Variants in SCARB1 observed in about 807,000 individuals in gnomAD.
SCARB1 encodes the protein scavenger receptor class B member 1.
SCARB1 carries 30 observed loss-of-function variants against 57.2 expected under a neutral mutation model. That is an observed-to-expected ratio of 0.52 (90% CI 0.39 to 0.71). The LOEUF is 0.71. Ranked by LOEUF, SCARB1 falls within the 30% of genes least tolerant of loss-of-function variation. The probability of loss-of-function intolerance (pLI) is 0.00; values close to 1 mark genes in which losing one functional copy is unlikely to be tolerated. For synonymous variants in SCARB1, 249 were observed against 268.3 expected (o/e 0.93, Z 0.70); for missense variants, 543 against 671.2 (o/e 0.81, Z 2.11).
intron 12 of SCARB1, among the ~76,000 whole-genome samples, chr12:124,780,312 G>T (rs1196880989): frequency 6.6e-6 from 1 of 152,196 alleles, no homozygotes; most frequent in Non-Finnish European, 1.5e-5. Context: ...CAAGCCCCCT[G>T]CCCTACAGCA....
intron 1 of SCARB1, among the ~76,000 whole-genome samples, chr12:124,837,164 T>C (rs571219123): frequency 5.3e-5 from 8 of 152,288 alleles, no homozygotes; most frequent in Admixed American, 5.2e-4. Context: ...CTACTTGCTT[T>C]TTTGGACAAA....
intron 6 of SCARB1, among the ~76,000 whole-genome samples, chr12:124,809,405 C>T (rs962658553): frequency 2.0e-5 from 3 of 152,086 alleles, no homozygotes; most frequent in African/African-American, 4.8e-5. Context: ...GGCAACATAG[C>T]GAGATCCCCA....
At chr12:124,834,022 G>C (rs942007793) in intron 1 of SCARB1, among the ~76,000 whole-genome samples, 1 of 152,226 alleles carries the variant, frequency 6.6e-6, no homozygotes, top group Non-Finnish European at 1.5e-5. Context: ...CTGCCTCCTC[G>C]TGACTCCCGA....
chr12:124,840,785 A>AC (rs112058668), intron 1 of SCARB1, among the ~76,000 whole-genome samples: 6,308 of 151,768 alleles, frequency 0.042, 533 homozygotes, highest in East Asian at 0.24. Context: ...AACTACCCCC[A>AC]CCTGGCTCAA....
At chr12:124,862,067 G>A (rs1376621377) in intron 1 of SCARB1, among the ~76,000 whole-genome samples, 1 of 152,240 alleles carries the variant, frequency 6.6e-6, no homozygotes, top group Non-Finnish European at 1.5e-5. Flanking sequence ...CTGCCTGAGT[G>A]ATAGCCCCTC....
chr12:124,853,030 G>T (rs1023662461), intron 1 of SCARB1, among the ~76,000 whole-genome samples: 4 of 152,146 alleles, frequency 2.6e-5, no homozygotes, highest in Non-Finnish European at 5.9e-5. Context: ...CACACAGATG[G>T]CACAGACAGT....
chr12:124,846,017 A>G (rs1032751679), intron 1 of SCARB1, among the ~76,000 whole-genome samples: 29 of 152,156 alleles, frequency 1.9e-4, no homozygotes, highest in South Asian at 4.1e-4. Flanking sequence ...GTCTCAAAAA[A>G]AAAGAAAGAA....
chr12:124,846,163 G>A (rs940683557), intron 1 of SCARB1, among the ~76,000 whole-genome samples: 2 of 152,152 alleles, frequency 1.3e-5, no homozygotes, highest in African/African-American at 2.4e-5. Context: ...TTTGAAACTA[G>A]GTAGAAGTGG....
Position 124,778,581 on chromosome 12 carries a change from A to C in SCARB1, c.*6T>G. 7.1e-7 allele frequency: 1 copy of C among 1,411,346 alleles called. No individual in the cohort carries two copies. Among genetic ancestry groups the C allele is most frequent in the Non-Finnish European group, 9.2e-7 (1 of 1,085,988 alleles). 87.4% of individuals were successfully genotyped at this position (1,411,346 alleles called of 1,614,324 possible). A position where few individuals can be genotyped will look rare whatever the true frequency, so the allele number is the denominator to read the frequency against. ...GGCCTGGCTGGCTCACGGTGTCCTC[A>C]GGACCCTGTGGAGAAAGGCAAAGCT... On this transcript the variant is annotated 3_prime_UTR_variant, in exon 13 of 13. Coordinates refer to ENST00000261693, the MANE Select transcript of SCARB1 (RefSeq NM_005505.5).
intron 1 of SCARB1, among the ~76,000 whole-genome samples, chr12:124,847,517 TC>T (rs1259614255): frequency 6.6e-6 from 1 of 152,188 alleles, no homozygotes; most frequent in Non-Finnish European, 1.5e-5. Flanking sequence ...GCCTCCCGTT[TC>T]CACCCGACCA....
intron 9 of SCARB1, among the ~76,000 whole-genome samples, chr12:124,793,356 T>C (rs1019143884): frequency 2.0e-5 from 3 of 152,186 alleles, no homozygotes; most frequent in South Asian, 2.1e-4. Context: ...TAGCAAGTGC[T>C]GGTGCGCGTG....
At chr12:124,826,485 CAG>C (rs1382648488) in intron 1 of SCARB1, among the ~76,000 whole-genome samples, 1 of 152,080 alleles carries the variant, frequency 6.6e-6, no homozygotes, top group Non-Finnish European at 1.5e-5. Context: ...TATTTTGAAA[CAG>C]AGTCTCGCTC....
chr12:124,787,552 T>C, intron 9 of SCARB1, 95 bp from the exon 10 acceptor site: 6 of 1,134,400 alleles, frequency 5.3e-6, no homozygotes, highest in Non-Finnish European at 7.8e-6. Flanking sequence ...AGGTTTAGTA[T>C]AATTTTGCAC....
chr12:124,782,198 G>A (rs760611004), intron 12 of SCARB1, among the ~76,000 whole-genome samples: 6 of 152,140 alleles, frequency 3.9e-5, no homozygotes, highest in Admixed American at 2.0e-4. Context: ...GTGAGCCACC[G>A]CACCTGGCCA....
intron 1 of SCARB1, among the ~76,000 whole-genome samples, chr12:124,829,040 C>T (rs1951282057): frequency 6.6e-6 from 1 of 152,206 alleles, no homozygotes; most frequent in Non-Finnish European, 1.5e-5. Context: ...CAATCTGGGA[C>T]TTGGGAACAC....
chr12:124,813,157 G>T (rs1227469383), intron 4 of SCARB1, among the ~76,000 whole-genome samples: 2 of 152,136 alleles, frequency 1.3e-5, no homozygotes, highest in African/African-American at 4.8e-5. Context: ...CTGGAGCTAG[G>T]TGTGGCCATG....
intron 1 of SCARB1, among the ~76,000 whole-genome samples, chr12:124,848,745 G>A (rs1952264797): frequency 6.6e-6 from 1 of 152,362 alleles, no homozygotes. Flanking sequence ...TCCGCACCGT[G>A]GAGCGTTTCC....
intron 7 of SCARB1, among the ~76,000 whole-genome samples, chr12:124,805,747 TTTG>T (rs1229753494): frequency 0.026 from 3,285 of 124,580 alleles, 146 homozygotes; most frequent in African/African-American, 0.11. Context: ...TTTTTTTTTT[TTTG>T]GCCAGAGAGA....
At chr12:124,853,590 T>C (rs1318668495) in intron 1 of SCARB1, among the ~76,000 whole-genome samples, 1 of 152,146 alleles carries the variant, frequency 6.6e-6, no homozygotes, top group African/African-American at 2.4e-5. Context: ...AGATGAGGTT[T>C]CACCATGTTG....
Sources: allele counts gnomAD v4.1 joint callset (sites outside exome capture counted in the v4.1 genomes callset), GRCh38; gene constraint gnomAD v4.1.1; transcripts MANE v1.5; gene names NCBI Gene and HGNC (gene_info 2026-07-23, HGNC 2026-07-21).